Variants in BRWD1 observed in about 807,000 individuals in gnomAD.
BRWD1 encodes bromodomain and WD repeat domain containing 1.
Under a neutral mutation model 251.2 loss-of-function variants are expected in BRWD1, and 82 were observed. That is an observed-to-expected ratio of 0.33 (90% CI 0.27 to 0.39). The LOEUF (loss-of-function observed/expected upper bound fraction) is 0.39. Ranked by LOEUF, BRWD1 falls within the 10% of genes least tolerant of loss-of-function variation. The pLI is 1.00. For synonymous variants in BRWD1, 918 were observed against 902.8 expected (o/e 1.02, Z -0.30); for missense variants, 2,233 against 2,711.6 (o/e 0.82, Z 3.92).
At chr21:39,256,949 C>T (rs2146630035) in intron 18 of BRWD1, among the ~76,000 whole-genome samples, 1 of 152,302 alleles carries the variant, frequency 6.6e-6, no homozygotes, top group African/African-American at 2.4e-5. Context: ...CTTCAAATGG[C>T]ATTAAATGCC....
intron 10 of BRWD1, among the ~76,000 whole-genome samples, chr21:39,278,023 T>TG (rs1407184063): frequency 6.7e-6 from 1 of 148,330 alleles, no homozygotes; most frequent in East Asian, 1.9e-4. Flanking sequence ...TTTTGTTTTG[T>TG]TTTTTTTTAG....
In BRWD1 at chr21:39,189,679, G is replaced by A. The variant is rs1282679793; in HGVS notation, c.*6580C>T. ...AATCTGAGGAAGACAAAACTGTGGA[G>A]AATTTTTTTAAATACATTCAAGTCA... On this transcript the variant is annotated 3_prime_UTR_variant, in exon 41 of 41. Transcript: ENST00000342449. The A allele has an allele frequency of 2.0e-6, 2 of 981,950 alleles. No individual in the cohort carries two copies. The highest frequency in any genetic ancestry group is 1.1e-4 in the East Asian group (1 of 8,794). The allele number at this position is 981,950 out of a possible 1,614,324, so 60.8% of individuals were successfully genotyped here. A position where few individuals can be genotyped will look rare whatever the true frequency, so the allele number is the denominator to read the frequency against.
rs761418964 is a variant in BRWD1 at position 39,270,361 on chromosome 21, G to A, written c.1317C>T (p.Ser439=). ...GATCATTCACAGCTGTGACAACAAT[G>A]CTATCATTTTGATTCCAAGCTATCA... ...VTMIAWNQND[S]IVVTAVNDHV... The change falls in exon 14 of 41, where the codon AGC becomes AGT. Residue 439 remains serine (S), a synonymous_variant. Transcript: ENST00000342449. 1.3e-5 allele frequency: 21 copies of A among 1,612,402 alleles called. No homozygotes were observed. The East Asian group carries it at 4.2e-4, about 33-fold the overall frequency.
At chr21:39,218,117 C>A in intron 31 of BRWD1, 35 bp downstream of exon 31, 1 of 1,569,406 alleles carries the variant, frequency 6.4e-7, no homozygotes, top group Admixed American at 2.0e-5. Context: ...CCAAATATAG[C>A]TTTTTAAACA....
rs764957631 is a variant in BRWD1, at chr21:39,197,060, G to A, written c.6009C>T (p.Ser2003=). The change falls in exon 41 of 41, where the codon TCC becomes TCT. Residue 2003 remains serine (S), a synonymous_variant. Coordinates refer to ENST00000342449, the MANE Select transcript of BRWD1 (RefSeq NM_033656.4). Reference sequence around the variant, plus strand: ...GACTAAGCACTTTTGTACTACCTTCGGAGTCAGGATCAGGTGGCTTGCCTT... The same window carrying A: ...GACTAAGCACTTTTGTACTACCTTCAGAGTCAGGATCAGGTGGCTTGCCTT... ...ACEGKPPDPD[S]EGSTKVLSQA... is the part of the protein sequence containing the mutation. 17 of 1,613,918 alleles carry A rather than the reference G, an allele frequency of 1.1e-5. No homozygotes were observed. Among genetic ancestry groups the A allele is most frequent in the East Asian group, 6.7e-5 (3 of 44,890 alleles).
intron 17 of BRWD1, among the ~76,000 whole-genome samples, chr21:39,260,433 C>T (rs1385825492): frequency 6.6e-6 from 1 of 152,180 alleles, no homozygotes; most frequent in Non-Finnish European, 1.5e-5. Context: ...AGCCACTGCA[C>T]TCAGCCTAAC....
chr21:39,316,997 A>G (rs1031576169), upstream of BRWD1: 13 of 152,224 alleles, frequency 8.5e-5, no homozygotes, highest in African/African-American at 1.2e-4. Flanking sequence ...GTCCTTTTAC[A>G]ACTTACTATC....
At position 39,258,486 on chromosome 21, in the gene BRWD1, C is replaced by A; in HGVS notation, c.2071+1G>T. ...GTAAAACATTTATCACTATTTATTA[C>A]CTCTCCGGGGTGTTTCTTCACCATT... is the stretch of plus-strand genomic sequence containing the variant. On this transcript the variant is annotated splice_donor_variant, in intron 18 of 40. Transcript: ENST00000342449. LOFTEE classifies it high-confidence loss of function. The A allele has an allele frequency of 6.3e-7, 1 of 1,575,938 alleles. No homozygotes were observed. Among genetic ancestry groups the A allele is most frequent in the Non-Finnish European group, 8.6e-7 (1 of 1,161,950 alleles).
At chr21:39,320,052 T>G (rs2036732703) in intron 1 of BRWD1, among the ~76,000 whole-genome samples, 1 of 152,078 alleles carries the variant, frequency 6.6e-6, no homozygotes, top group Non-Finnish European at 1.5e-5. Flanking sequence ...TCTACTCTCC[T>G]CCCTCCCTGC....
chr21:39,304,386 G>T (rs983548685), intron 4 of BRWD1, among the ~76,000 whole-genome samples: 1 of 152,068 alleles, frequency 6.6e-6, no homozygotes, highest in Non-Finnish European at 1.5e-5. Flanking sequence ...CAAGGCGGGA[G>T]GACTGCCTGA....
chr21:39,231,509 G>A (rs898176399), intron 25 of BRWD1, among the ~76,000 whole-genome samples: 13 of 152,182 alleles, frequency 8.5e-5, no homozygotes, highest in African/African-American at 2.6e-4. Context: ...TCAACAGTGA[G>A]TGAACTACAA....
rs779971321 is a variant in BRWD1, at chr21:39,238,576, A to G, written c.2482-3T>C. ...TCACTCTGATCACAGGAAGTCTCCTAATTTGTGAAGGGGGGAAAAAAATCT... is the reference window on the plus strand; with the variant it reads ...TCACTCTGATCACAGGAAGTCTCCTGATTTGTGAAGGGGGGAAAAAAATCT... On this transcript the variant is annotated splice_polypyrimidine_tract_variant and splice_region_variant and intron_variant, in intron 21 of 40. Coordinates refer to ENST00000342449, the MANE Select transcript of BRWD1 (RefSeq NM_033656.4). 25 of 1,609,752 alleles carry G rather than the reference A, an allele frequency of 1.6e-5. No homozygotes were observed. In the South Asian group the frequency reaches 2.8e-4, roughly 18 times the overall value.
At position 39,189,474 on chromosome 21, in the gene BRWD1, A is replaced by C. The variant is rs868220262; in HGVS notation, c.*6785T>G. On this transcript the variant is annotated 3_prime_UTR_variant, in exon 41 of 41. Coordinates refer to ENST00000342449, the MANE Select transcript of BRWD1 (RefSeq NM_033656.4). ...CATCCAGAATAATGGAAAAGTTAAG[A>C]TTCTGCAGGAAAAAAAAAACTAAAA... 3 of 973,854 alleles carry C rather than the reference A, an allele frequency of 3.1e-6. No individual in the cohort carries two copies. Among genetic ancestry groups the C allele is most frequent in the Non-Finnish European group, 3.7e-6 (3 of 819,798 alleles). The allele number at this position is 973,854 out of a possible 1,614,324, so 60.3% of individuals were successfully genotyped here. A position where few individuals can be genotyped will look rare whatever the true frequency, so the allele number is the denominator to read the frequency against.
intron 8 of BRWD1, among the ~76,000 whole-genome samples, chr21:39,288,680 A>G (rs2035716808): frequency 6.6e-6 from 1 of 152,192 alleles, no homozygotes; most frequent in African/African-American, 2.4e-5. Flanking sequence ...ATATTTTTGT[A>G]TATGTTTTAT....
At position 39,191,763 on chromosome 21, in the gene BRWD1, C is replaced by T; in HGVS notation, c.*4496G>A. 1.0e-5 allele frequency: 10 copies of T among 985,246 alleles called. No individual in the cohort carries two copies. The highest frequency in any genetic ancestry group is 1.2e-5 in the Non-Finnish European group (10 of 829,826). The allele number at this position is 985,246 out of a possible 1,614,324, so 61.0% of individuals were successfully genotyped here. Reference sequence around the variant, plus strand: ...CTACAGTCCATCTAGGCTCTATATACTGGTCATCTCATTTCAGTTAGGTCA... The same window carrying T: ...CTACAGTCCATCTAGGCTCTATATATTGGTCATCTCATTTCAGTTAGGTCA... On this transcript the variant is annotated 3_prime_UTR_variant, in exon 41 of 41. Coordinates refer to ENST00000342449, the MANE Select transcript of BRWD1 (RefSeq NM_033656.4).
chr21:39,255,176 T>A (rs2034521280), intron 19 of BRWD1, among the ~76,000 whole-genome samples: 1 of 152,112 alleles, frequency 6.6e-6, no homozygotes, highest in African/African-American at 2.4e-5. Flanking sequence ...ACTGGGAGGC[T>A]GAGGCAGGTG....
intron 17 of BRWD1, among the ~76,000 whole-genome samples, chr21:39,261,096 A>G (rs1160221198): frequency 6.6e-6 from 1 of 152,088 alleles, no homozygotes; most frequent in Non-Finnish European, 1.5e-5. Flanking sequence ...GTGGTGGTGC[A>G]CACCTGTACT....
intron 4 of BRWD1, among the ~76,000 whole-genome samples, chr21:39,307,944 G>A (rs903194329): frequency 6.6e-6 from 1 of 152,138 alleles, no homozygotes; most frequent in Non-Finnish European, 1.5e-5. Flanking sequence ...AATGATCATG[G>A]TAGTGTGATT....
Position 39,232,366 on chromosome 21 carries a change from C to T in BRWD1, c.2892+7G>A. ...TATTCGTGTTTTTAAATTTGTATTA[C>T]TCTCACCTCATCACCCATTTGAGGA... On this transcript the variant is annotated splice_region_variant and intron_variant, in intron 24 of 40. Coordinates refer to ENST00000342449, the MANE Select transcript of BRWD1 (RefSeq NM_033656.4). The T allele has an allele frequency of 6.3e-7, 1 of 1,599,002 alleles. No homozygotes were observed. Among genetic ancestry groups the T allele is most frequent in the Non-Finnish European group, 8.5e-7 (1 of 1,176,004 alleles).
Sources: allele counts gnomAD v4.1 joint callset (sites outside exome capture counted in the v4.1 genomes callset), GRCh38; gene constraint gnomAD v4.1.1; transcripts MANE v1.5; gene names NCBI Gene and HGNC (gene_info 2026-07-23, HGNC 2026-07-21).